The following SLC10A7 variants were observed in gnomAD, a reference collection of about 807,000 sequenced individuals.
SLC10A7 encodes solute carrier family 10 member 7.
SLC10A7 carries 29 observed loss-of-function variants against 43.2 expected under a neutral mutation model. The ratio of observed to expected loss-of-function variants is 0.67; its 90% CI spans 0.50 to 0.92. The LOEUF is 0.92. Ranked by LOEUF, SLC10A7 falls within the 40% of genes least tolerant of loss-of-function variation. The pLI is 0.00. For missense variants in SLC10A7, 295 were observed against 403.2 expected (o/e 0.73, Z 2.30); for synonymous variants, 152 against 144.8 (o/e 1.05, Z -0.35).
intron 5 of SLC10A7, among the ~76,000 whole-genome samples, chr4:146,334,749 TA>T (rs58632836): frequency 0.061 from 9,228 of 152,130 alleles, 378 homozygotes; most frequent in South Asian, 0.18. Context: ...CTCTTTATTG[TA>T]AAAGAAGAGC....
intron 4 of SLC10A7, among the ~76,000 whole-genome samples, chr4:146,501,912 T>C (rs1326165019): frequency 6.6e-6 from 1 of 152,222 alleles, no homozygotes; most frequent in African/African-American, 2.4e-5. Context: ...TCACGTTTAC[T>C]GTCTCCACTA....
chr4:146,331,925 T>TAA (rs1341046467), intron 5 of SLC10A7, among the ~76,000 whole-genome samples: 1 of 152,148 alleles, frequency 6.6e-6, no homozygotes, highest in Admixed American at 6.6e-5. Flanking sequence ...TGGACACATC[T>TAA]AAATTTCAAC....
chr4:146,351,743 A>G (rs1735127101), intron 5 of SLC10A7, among the ~76,000 whole-genome samples: 1 of 146,246 alleles, frequency 6.8e-6, no homozygotes, highest in Admixed American at 6.7e-5. Flanking sequence ...ACATTCTTAA[A>G]GAAAAGAATT....
At chr4:146,468,628 C>G (rs939890641) in intron 4 of SLC10A7, among the ~76,000 whole-genome samples, 1 of 151,974 alleles carries the variant, frequency 6.6e-6, no homozygotes, top group African/African-American at 2.4e-5. Flanking sequence ...CACCACCACA[C>G]CCGGCTAATT....
intron 7 of SLC10A7, among the ~76,000 whole-genome samples, chr4:146,296,760 C>T (rs970912570): frequency 6.6e-6 from 1 of 152,152 alleles, no homozygotes; most frequent in African/African-American, 2.4e-5. Context: ...GCTGCTTTTG[C>T]ACTATGTAGC....
At chr4:146,260,574 A>C (rs1488190864) in intron 10 of SLC10A7, among the ~76,000 whole-genome samples, 1 of 152,208 alleles carries the variant, frequency 6.6e-6, no homozygotes, top group Non-Finnish European at 1.5e-5. Context: ...TCAGAAGGGA[A>C]GCCATAGAGA....
chr4:146,274,554 A>G (rs1278238501), intron 10 of SLC10A7, among the ~76,000 whole-genome samples: 1 of 152,088 alleles, frequency 6.6e-6, no homozygotes, highest in Non-Finnish European at 1.5e-5. Flanking sequence ...ACATCCAAAT[A>G]CTGTTGTTTA....
At chr4:146,479,621 G>A (rs980305059) in intron 4 of SLC10A7, among the ~76,000 whole-genome samples, 10 of 152,118 alleles carry the variant, frequency 6.6e-5, no homozygotes, top group Admixed American at 5.9e-4. Context: ...GGGGAAGGGA[G>A]TATGGAGACC....
intron 4 of SLC10A7, among the ~76,000 whole-genome samples, chr4:146,453,332 T>C (rs571128820): frequency 6.3e-4 from 95 of 151,916 alleles, no homozygotes; most frequent in Non-Finnish European, 1.1e-3. Context: ...AGTGTTTTAA[T>C]GAGAACAGAG....
chr4:146,448,617 C>T (rs78760438), intron 4 of SLC10A7, among the ~76,000 whole-genome samples: 1 of 152,106 alleles, frequency 6.6e-6, no homozygotes, highest in Admixed American at 6.5e-5. Context: ...TAATTTATGG[C>T]AAGTTAATGT....
intron 9 of SLC10A7, 62 bp downstream of exon 9, chr4:146,292,867 C>T (rs1237613078): frequency 8.4e-7 from 1 of 1,190,054 alleles, no homozygotes. Context: ...GGCATAGTAG[C>T]CAAGTAGACC....
intron 2 of SLC10A7, among the ~76,000 whole-genome samples, chr4:146,515,337 CAT>C (rs1737847343): frequency 6.6e-6 from 1 of 152,178 alleles, no homozygotes; most frequent in Non-Finnish European, 1.5e-5. Flanking sequence ...ATCAGTCCAA[CAT>C]TATGGTAGTA....
At chr4:146,418,892 C>A (rs1442536294) in intron 5 of SLC10A7, among the ~76,000 whole-genome samples, 1 of 152,152 alleles carries the variant, frequency 6.6e-6, no homozygotes, top group African/African-American at 2.4e-5. Flanking sequence ...AATCAGGGTT[C>A]CCACAACCCC....
rs144451021 is a variant in SLC10A7 at position 146,514,764 on chromosome 4, C to T, written c.183+2274G>A. 1.9e-3 allele frequency: 379 copies of T among 197,152 alleles called. 3 individuals are homozygous for T. The Middle Eastern group carries it at 0.029, about 15-fold the overall frequency. The allele number at this position is 197,152 out of a possible 1,614,324, so 12.2% of individuals were successfully genotyped here. ...CCCCACTGAAATGAATTTAGGATTACTAACTAGTAAACAAATATGACTGCT... is the reference window on the plus strand; with the variant it reads ...CCCCACTGAAATGAATTTAGGATTATTAACTAGTAAACAAATATGACTGCT... On this transcript the variant is annotated intron_variant, in intron 2 of 11. Coordinates refer to ENST00000335472, the MANE Select transcript of SLC10A7 (RefSeq NM_001029998.6).
intron 4 of SLC10A7, among the ~76,000 whole-genome samples, chr4:146,473,798 T>C (rs1733799804): frequency 6.6e-6 from 1 of 152,102 alleles, no homozygotes; most frequent in African/African-American, 2.4e-5. Flanking sequence ...CAAACAAAAG[T>C]ACATTTTCCT....
chr4:146,519,248 T>C (rs1579406464), intron 1 of SLC10A7, among the ~76,000 whole-genome samples: 1 of 141,808 alleles, frequency 7.1e-6, no homozygotes, highest in East Asian at 2.0e-4. Flanking sequence ...TATAATAATA[T>C]ATTTTATATA....
intron 6 of SLC10A7, among the ~76,000 whole-genome samples, chr4:146,314,052 G>T (rs1342027738): frequency 6.6e-6 from 1 of 152,086 alleles, no homozygotes; most frequent in Non-Finnish European, 1.5e-5. Flanking sequence ...CCTGGAAGGG[G>T]CATTCAAGGG....
At chr4:146,488,663 C>G (rs1311747993) in intron 4 of SLC10A7, among the ~76,000 whole-genome samples, 1 of 152,208 alleles carries the variant, frequency 6.6e-6, no homozygotes, top group Non-Finnish European at 1.5e-5. Context: ...CATTCGAAGT[C>G]TTATTTCCTT....
chr4:146,457,421 A>G (rs1732157252), intron 4 of SLC10A7, among the ~76,000 whole-genome samples: 1 of 151,934 alleles, frequency 6.6e-6, no homozygotes, highest in Non-Finnish European at 1.5e-5. Flanking sequence ...TAAATGTACA[A>G]TTAAATTATT....
Sources: gnomAD v4.1 joint callset for allele counts (sites outside exome capture counted in the v4.1 genomes callset) on GRCh38, gnomAD v4.1.1 for gene constraint, MANE v1.5 for transcripts, NCBI Gene and HGNC (gene_info 2026-07-23, HGNC 2026-07-21) for gene names.